The following RPGRIP1 variants were observed in gnomAD, a reference collection of about 807,000 sequenced individuals.
RPGRIP1 encodes RPGR interacting protein 1, also known as X-linked retinitis pigmentosa GTPase regulator-interacting protein 1.
RPGRIP1 carries 128 observed loss-of-function variants against 157.9 expected under a neutral mutation model. The ratio of observed to expected loss-of-function variants is 0.81; its 90% CI spans 0.70 to 0.94. The LOEUF (loss-of-function observed/expected upper bound fraction) is 0.94, where lower values mean the gene tolerates loss of function less well. RPGRIP1 is among the 40% of genes least tolerant of loss of function. The pLI is 0.00. For missense variants in RPGRIP1, 1,486 were observed against 1,545.8 expected (o/e 0.96, Z 0.65); for synonymous variants, 554 against 571.6 (o/e 0.97, Z 0.44).
chr14:21,325,955 T>C lies in RPGRIP1; in HGVS notation c.2492T>C (p.Phe831Ser). The change falls in exon 17 of 25, where the codon TTT becomes TCT. Residue 831 changes from phenylalanine to serine, a missense_variant. Physicochemically the swap from Phe to Ser is radical, Grantham distance 155. Coordinates refer to ENST00000400017, the MANE Select transcript of RPGRIP1 (RefSeq NM_020366.4). ...SPYAVYRFFT[F>S]SDHDTAIIPA... ...TATGCTGTGTACCGCTTCTTCACCTTTTCTGACCATGACACTGCCATCATT... is the reference window on the plus strand; with the variant it reads ...TATGCTGTGTACCGCTTCTTCACCTCTTCTGACCATGACACTGCCATCATT... 6.2e-7 allele frequency: 1 copy of C among 1,613,976 alleles called. No individual in the cohort carries two copies. Among genetic ancestry groups the C allele is most frequent in the Admixed American group, 1.7e-5 (1 of 60,020 alleles).
intron 1 of RPGRIP1, among the ~76,000 whole-genome samples, chr14:21,285,827 T>C (rs2139129473): frequency 6.6e-6 from 1 of 152,014 alleles, no homozygotes; most frequent in Middle Eastern, 3.4e-3. Flanking sequence ...CAAAGAAATG[T>C]TATGAACTGG....
intron 20 of RPGRIP1, among the ~76,000 whole-genome samples, chr14:21,332,847 C>T (rs913667758): frequency 1.3e-5 from 2 of 152,190 alleles, no homozygotes; most frequent in African/African-American, 4.8e-5. Context: ...TGGCTTACAC[C>T]TGTACTCCCA....
chr14:21,343,378 A>G lies in RPGRIP1; in HGVS notation c.3532+150A>G, dbSNP rs148508465. On this transcript the variant is annotated intron_variant, in intron 22 of 24. Coordinates refer to ENST00000400017, the MANE Select transcript of RPGRIP1 (RefSeq NM_020366.4). ...AGTGTTGTGTGCATGTGGTTTAAAA[A>G]CATCGAATGGGGCTAAACATTTTAC... 3.8e-4 allele frequency: 243 copies of G among 643,590 alleles called. 1 individual carries two copies. The East Asian group carries it at 6.9e-3, about 18-fold the overall frequency. The allele number at this position is 643,590 out of a possible 1,614,324, so 39.9% of individuals were successfully genotyped here. A position where few individuals can be genotyped will look rare whatever the true frequency, so the allele number is the denominator to read the frequency against.
intron 16 of RPGRIP1, 190 bp from the exon 17 acceptor site, chr14:21,325,641 A>T: frequency 1.6e-6 from 1 of 632,134 alleles, no homozygotes; most frequent in Non-Finnish European, 2.7e-6. Context: ...TTAAGTCGTG[A>T]GTGCCAGTAT....
intron 20 of RPGRIP1, among the ~76,000 whole-genome samples, chr14:21,332,833 G>A (rs1201557608): frequency 6.6e-6 from 1 of 152,146 alleles, no homozygotes; most frequent in Non-Finnish European, 1.5e-5. Context: ...CTGGCCAGGC[G>A]CAGTGGCTTA....
Position 21,321,384 on chromosome 14 carries a change from A to C in RPGRIP1, c.1593A>C (p.Lys531Asn). The C allele has an allele frequency of 6.2e-7, 1 of 1,611,664 alleles. No individual in the cohort carries two copies. The highest frequency in any genetic ancestry group is 8.5e-7 in the Non-Finnish European group (1 of 1,179,314). ...KTRDMLILQR[K>N]INVCYQEELE... is the part of the protein sequence containing the mutation. ...GGGACATGCTTATTCTGCAGCGCAA[A>C]ATCAACGTGTGTTATCAGGTGCAAG... The change falls in exon 13 of 25, where the codon AAA (lysine) becomes AAC (asparagine). Residue 531 changes from lysine (K) to asparagine (N), a missense_variant. Physicochemically the swap from Lys to Asn is moderately conservative, Grantham distance 94. Transcript: ENST00000400017.
rs1880693611 is a variant in RPGRIP1, at chr14:21,294,805, A to G, written c.214A>G (p.Lys72Glu). ...TTCTTGGAAGCAACAGGATGAGATC[A>G]AAAGGTACTTAGAGTTCTCCTTAAA... ...ELSWKQQDEI[K>E]RLRTTLLRLT... Residue 72 changes from lysine to glutamate, a missense_variant, in exon 3 of 25, where the codon AAA becomes GAA. Physicochemically the swap from Lys to Glu is moderately conservative, Grantham distance 56 (BLOSUM62 1). Coordinates refer to ENST00000400017, the MANE Select transcript of RPGRIP1 (RefSeq NM_020366.4). 6.3e-7 allele frequency: 1 copy of G among 1,575,780 alleles called. No individual in the cohort carries two copies.
chr14:21,317,943 T>C (rs1236197679), intron 11 of RPGRIP1, 93 bp downstream of exon 11: 39 of 1,054,436 alleles, frequency 3.7e-5, no homozygotes, highest in Non-Finnish European at 5.2e-5. Flanking sequence ...TTTAATCCCC[T>C]CACTTGATCC....
intron 6 of RPGRIP1, among the ~76,000 whole-genome samples, chr14:21,305,738 G>C (rs1881270919): frequency 6.6e-6 from 1 of 152,154 alleles, no homozygotes; most frequent in African/African-American, 2.4e-5. Context: ...GCTCATGCCT[G>C]TAATTCCAGC....
intron 2 of RPGRIP1, among the ~76,000 whole-genome samples, chr14:21,289,197 G>A (rs971197221): frequency 6.6e-6 from 1 of 151,938 alleles, no homozygotes; most frequent in Admixed American, 6.6e-5. Flanking sequence ...GCGTTGTGGC[G>A]GGCGCCTGTA....
chr14:21,349,116 G>C (rs1161903402), intron 24 of RPGRIP1, among the ~76,000 whole-genome samples: 2 of 143,428 alleles, frequency 1.4e-5, no homozygotes, highest in Non-Finnish European at 1.5e-5. Context: ...TGTTGCCCAG[G>C]CTGGAGTGCA....
chr14:21,325,578 A>G (rs1882992412), intron 16 of RPGRIP1, among the ~76,000 whole-genome samples, 195 bp downstream of exon 16: 1 of 152,236 alleles, frequency 6.6e-6, no homozygotes, highest in Non-Finnish European at 1.5e-5. Flanking sequence ...GGAGCGAGCT[A>G]CATCCTTCAT....
chr14:21,319,958 C>A (rs1487325983), intron 11 of RPGRIP1, 59 bp from the exon 12 acceptor site: 1 of 1,483,674 alleles, frequency 6.7e-7, no homozygotes, highest in Non-Finnish European at 9.2e-7. Context: ...CTTGATCCAA[C>A]TCTGACCATG....
Position 21,303,477 on chromosome 14 carries a change from G to A in RPGRIP1, c.734G>A (p.Trp245Ter). The A allele has an allele frequency of 6.2e-7, 1 of 1,613,904 alleles. No individual in the cohort carries two copies. Among genetic ancestry groups the A allele is most frequent in the Non-Finnish European group, 8.5e-7 (1 of 1,179,890 alleles). The change falls in exon 6 of 25, where the codon TGG (tryptophan) becomes TAG (stop). Residue 245 changes from tryptophan (W) to a stop codon, truncating the protein, a stop_gained. Transcript: ENST00000400017. LOFTEE classifies it high-confidence loss of function. ...EEPPKSPEKMWPKDENFEQRS... is the reference protein window; with the variant it reads ...EEPPKSPEKM ...CCACCCAAGTCTCCTGAGAAAATGT[G>A]GCCTAAAGATGAAAATTTTGAACAG...
At chr14:21,313,453 A>G (rs1881629641) in intron 10 of RPGRIP1, among the ~76,000 whole-genome samples, 1 of 152,194 alleles carries the variant, frequency 6.6e-6, no homozygotes, top group Admixed American at 6.6e-5. Flanking sequence ...GATCACATAA[A>G]GCATGTTGCA....
chr14:21,332,968 G>A (rs1883945635), intron 20 of RPGRIP1, among the ~76,000 whole-genome samples: 1 of 152,148 alleles, frequency 6.6e-6, no homozygotes, highest in Non-Finnish European at 1.5e-5. Flanking sequence ...GCCAGGTGTG[G>A]TGGTGGGTGC....
intron 11 of RPGRIP1, chr14:21,318,157 A>G (rs944377129): frequency 1.9e-6 from 1 of 515,644 alleles, no homozygotes; most frequent in Non-Finnish European, 3.7e-6. Flanking sequence ...CTCAGGCTCG[A>G]GTGCAATGGC....
chr14:21,291,894 G>A (rs562140406), intron 2 of RPGRIP1, among the ~76,000 whole-genome samples: 4 of 152,178 alleles, frequency 2.6e-5, no homozygotes, highest in African/African-American at 9.6e-5. Flanking sequence ...CGAGTAGCTG[G>A]GATTACAGGC....
At chr14:21,331,160 C>G (rs1488340990) in intron 20 of RPGRIP1, among the ~76,000 whole-genome samples, 4 of 151,908 alleles carry the variant, frequency 2.6e-5, no homozygotes, top group Admixed American at 6.6e-5. Flanking sequence ...CCGCCCACCT[C>G]AGCCTCCCAA....
Sources: gnomAD v4.1 joint callset for allele counts (sites outside exome capture counted in the v4.1 genomes callset) on GRCh38, gnomAD v4.1.1 for gene constraint, MANE v1.5 for transcripts, NCBI Gene and HGNC (gene_info 2026-07-23, HGNC 2026-07-21) for gene names.